WWOX: variants seen among roughly 807,000 people sequenced by gnomAD.
The protein encoded by WWOX is WW domain-containing oxidoreductase.
WWOX carries 69 observed loss-of-function variants against 46.2 expected under a neutral mutation model. The ratio of observed to expected loss-of-function variants is 1.49; its 90% CI spans 1.23 to 1.82. The LOEUF is 1.82. WWOX is among the 40% of genes most tolerant of loss of function. WWOX has a pLI of 0.00. For missense variants in WWOX, 919 were observed against 542.6 expected (o/e 1.69, Z -6.89); for synonymous variants, 359 against 202.6 (o/e 1.77, Z -6.56).
intron 8 of WWOX, among the ~76,000 whole-genome samples, chr16:78,863,051 C>T (rs1215956405): frequency 6.6e-6 from 1 of 151,558 alleles, no homozygotes. Flanking sequence ...CTCTGCCTCC[C>T]AGGTTCAAGC....
rs1481528829 is a variant in WWOX at position 78,342,795 on chromosome 16, C to T, written c.517-44065C>T. Among the ~76,000 whole-genome samples, 3 of 120,474 alleles carry T rather than the reference C, an allele frequency of 2.5e-5. 1 individual carries two copies. Among genetic ancestry groups the T allele is most frequent in the Non-Finnish European group, 6.0e-5 (3 of 50,352 alleles). 79.0% of individuals were successfully genotyped at this position (120,474 alleles called of 152,430 possible). A position where few individuals can be genotyped will look rare whatever the true frequency, so the allele number is the denominator to read the frequency against. The stretch of plus-strand genomic sequence containing the variant: ...AACAAGCCACCAGATTGTCCCATTC[C>T]ACTATCATTCTGCCATCAACACCGA... On this transcript the variant is annotated intron_variant, in intron 5 of 8. Transcript: ENST00000566780.
At chr16:78,725,452 A>G (rs2048807035) in intron 8 of WWOX, among the ~76,000 whole-genome samples, 1 of 139,476 alleles carries the variant, frequency 7.2e-6, no homozygotes, top group African/African-American at 2.8e-5. Context: ...GATTTAAGCG[A>G]TTCTCCTGCC....
intron 8 of WWOX, among the ~76,000 whole-genome samples, chr16:78,614,637 G>T (rs1054576470): frequency 5.9e-5 from 9 of 152,166 alleles, no homozygotes; most frequent in Non-Finnish European, 8.8e-5. Context: ...GCAGATGAGG[G>T]ACCACCCCCT....
At chr16:79,053,648 C>G (rs1214272108) in intron 8 of WWOX, among the ~76,000 whole-genome samples, 1 of 152,072 alleles carries the variant, frequency 6.6e-6, no homozygotes, top group Non-Finnish European at 1.5e-5. Context: ...TTTTAAATAA[C>G]AAAACAACTT....
intron 5 of WWOX, among the ~76,000 whole-genome samples, chr16:78,243,850 T>G (rs891156485): frequency 4.2e-4 from 64 of 152,244 alleles, no homozygotes; most frequent in Admixed American, 6.5e-4. Flanking sequence ...CCTGGCCTAT[T>G]GTTCCCTTCT....
At chr16:79,190,139 C>T (rs1471631655) in intron 8 of WWOX, among the ~76,000 whole-genome samples, 1 of 152,066 alleles carries the variant, frequency 6.6e-6, no homozygotes, top group Non-Finnish European at 1.5e-5. Flanking sequence ...ATTCTTCTGC[C>T]TCAGCCTCCC....
At chr16:79,204,733 A>T (rs943456319) in intron 8 of WWOX, 31 of 152,196 alleles carry the variant, frequency 2.0e-4, no homozygotes, top group African/African-American at 7.5e-4. Flanking sequence ...TGGCCTTCCC[A>T]GAACAAACAT....
intron 8 of WWOX, among the ~76,000 whole-genome samples, chr16:79,037,695 A>T (rs535001299): frequency 6.6e-6 from 1 of 152,192 alleles, no homozygotes; most frequent in Non-Finnish European, 1.5e-5. Flanking sequence ...AGGCCTCACA[A>T]TCGCAAGCCA....
intron 8 of WWOX, among the ~76,000 whole-genome samples, chr16:78,919,052 G>C (rs1043468293): frequency 6.6e-6 from 1 of 152,066 alleles, no homozygotes; most frequent in African/African-American, 2.4e-5. Flanking sequence ...CATAGCAGCC[G>C]CTGCCAAGGG....
intron 8 of WWOX, among the ~76,000 whole-genome samples, chr16:78,837,370 C>G (rs1242470522): frequency 6.6e-6 from 1 of 152,122 alleles, no homozygotes; most frequent in East Asian, 1.9e-4. Flanking sequence ...TTGCTTTTTC[C>G]TCTGTGTTTT....
chr16:79,156,123 T>C (rs2050376847), intron 8 of WWOX, among the ~76,000 whole-genome samples: 1 of 152,186 alleles, frequency 6.6e-6, no homozygotes, highest in Non-Finnish European at 1.5e-5. Flanking sequence ...CTGTTACTAC[T>C]AACAGTGCTA....
chr16:79,090,280 C>CATGT (rs1555525605), intron 8 of WWOX, among the ~76,000 whole-genome samples: 1 of 138,284 alleles, frequency 7.2e-6, no homozygotes, highest in Non-Finnish European at 1.6e-5. Flanking sequence ...CTACTGTGTG[C>CATGT]GTGTGTGTGT....
chr16:78,575,650 A>T (rs963249091), intron 8 of WWOX, among the ~76,000 whole-genome samples: 5 of 152,174 alleles, frequency 3.3e-5, no homozygotes, highest in African/African-American at 9.7e-5. Flanking sequence ...AGACCATGAT[A>T]CAGTTTTGAA....
intron 8 of WWOX, among the ~76,000 whole-genome samples, chr16:78,435,163 A>C (rs537392680): frequency 3.3e-5 from 5 of 152,246 alleles, no homozygotes; most frequent in African/African-American, 9.6e-5. Flanking sequence ...AAACCAGAGT[A>C]TGGGGTTAGA....
intron 8 of WWOX, among the ~76,000 whole-genome samples, chr16:78,513,215 T>G (rs1205041134): frequency 6.6e-6 from 1 of 152,222 alleles, no homozygotes; most frequent in Non-Finnish European, 1.5e-5. Flanking sequence ...ATTGACAAAT[T>G]AATAAAATAA....
intron 8 of WWOX, among the ~76,000 whole-genome samples, chr16:79,018,490 C>G (rs1163478554): frequency 6.6e-6 from 1 of 152,138 alleles, no homozygotes; most frequent in Non-Finnish European, 1.5e-5. Context: ...TGTGTCTACA[C>G]AGACCCAAGA....
intron 8 of WWOX, among the ~76,000 whole-genome samples, chr16:78,481,391 A>G (rs1358284484): frequency 6.6e-6 from 1 of 152,068 alleles, no homozygotes; most frequent in Non-Finnish European, 1.5e-5. Flanking sequence ...TATCCTTTCA[A>G]TAGAGGTGAA....
intron 8 of WWOX, among the ~76,000 whole-genome samples, chr16:78,833,919 T>C (rs1462763425): frequency 3.9e-5 from 6 of 152,254 alleles, no homozygotes; most frequent in Admixed American, 3.9e-4. Context: ...TATAAGTTCT[T>C]TGAGGCCAAG....
At chr16:78,564,996 C>G (rs2044530579) in intron 8 of WWOX, among the ~76,000 whole-genome samples, 1 of 152,162 alleles carries the variant, frequency 6.6e-6, no homozygotes, top group South Asian at 2.1e-4. Flanking sequence ...GGATACACTA[C>G]ACAATTGTTG....
Sources: allele counts gnomAD v4.1 joint callset (sites outside exome capture counted in the v4.1 genomes callset), GRCh38; gene constraint gnomAD v4.1.1; transcripts MANE v1.5; gene names NCBI Gene and HGNC (gene_info 2026-07-23, HGNC 2026-07-21).